MAP7: variants seen among roughly 807,000 people sequenced by gnomAD.
MAP7 encodes the protein microtubule associated protein 7.
A neutral mutation model predicts 94.8 loss-of-function variants in MAP7; 52 were observed. The observed-to-expected ratio is 0.55, with a 90% CI of 0.44 to 0.69. MAP7 has a LOEUF of 0.69. Ranked by LOEUF, MAP7 falls within the 30% of genes least tolerant of loss-of-function variation. The pLI is 0.00. For synonymous variants in MAP7, 350 were observed against 357.0 expected (o/e 0.98, Z 0.22); for missense variants, 940 against 964.6 (o/e 0.97, Z 0.34).
intron 2 of MAP7, among the ~76,000 whole-genome samples, chr6:136,418,964 A>C (rs993407819): frequency 2.1e-5 from 1 of 46,640 alleles, no homozygotes; most frequent in Non-Finnish European, 4.8e-5. Flanking sequence ...TATACAAGAA[A>C]ACAGACACAG....
intron 11 of MAP7, among the ~76,000 whole-genome samples, chr6:136,362,247 C>T (rs1198087385): frequency 6.6e-6 from 1 of 151,856 alleles, no homozygotes; most frequent in Non-Finnish European, 1.5e-5. Context: ...ATAGTGAGAC[C>T]CCATTTCTAT....
At chr6:136,433,802 G>A (rs764702261) in intron 1 of MAP7, among the ~76,000 whole-genome samples, 37 of 152,204 alleles carry the variant, frequency 2.4e-4, no homozygotes, top group Admixed American at 2.6e-4. Context: ...AAGTAGTGGA[G>A]CAAAAGGGTG....
chr6:136,544,878 T>C (rs917490375), intron 1 of MAP7, among the ~76,000 whole-genome samples: 7 of 152,154 alleles, frequency 4.6e-5, no homozygotes, highest in Admixed American at 1.3e-4. Context: ...GAGGATCACT[T>C]GAGCCCAGGA....
chr6:136,418,429 G>T (rs928209188), intron 2 of MAP7, among the ~76,000 whole-genome samples: 1 of 152,142 alleles, frequency 6.6e-6, no homozygotes, highest in African/African-American at 2.4e-5. Context: ...TGGCCAGGTT[G>T]GTCTCGAACT....
intron 1 of MAP7, among the ~76,000 whole-genome samples, chr6:136,528,800 T>C (rs905788853): frequency 6.6e-6 from 1 of 152,208 alleles, no homozygotes; most frequent in Non-Finnish European, 1.5e-5. Context: ...TGTGTCACTG[T>C]CACAGAAAAG....
intron 3 of MAP7, among the ~76,000 whole-genome samples, chr6:136,411,022 G>A (rs1787271970): frequency 6.6e-6 from 1 of 152,222 alleles, no homozygotes; most frequent in Non-Finnish European, 1.5e-5. Context: ...GTTGGCACCT[G>A]CTTCCTTGCC....
chr6:136,474,376 C>T (rs541216419), intron 1 of MAP7, among the ~76,000 whole-genome samples: 1 of 152,260 alleles, frequency 6.6e-6, no homozygotes, highest in South Asian at 2.1e-4. Context: ...GAGTGTAGAG[C>T]AGTGAGCCCA....
chr6:136,502,682 A>G (rs1820147783), intron 1 of MAP7, among the ~76,000 whole-genome samples: 1 of 152,256 alleles, frequency 6.6e-6, no homozygotes, highest in Non-Finnish European at 1.5e-5. Flanking sequence ...TCAATGGGTT[A>G]TAACAAAGAC....
chr6:136,401,858 C>T (rs1277661981), intron 3 of MAP7, among the ~76,000 whole-genome samples: 1 of 152,026 alleles, frequency 6.6e-6, no homozygotes, highest in Non-Finnish European at 1.5e-5. Context: ...TCTGCTGTAG[C>T]CTCTCCAATC....
chr6:136,482,211 G>C (rs1203346076), intron 1 of MAP7, among the ~76,000 whole-genome samples: 3 of 152,172 alleles, frequency 2.0e-5, no homozygotes, highest in Non-Finnish European at 4.4e-5. Flanking sequence ...AAGCAGTTTG[G>C]TGATTTATCA....
intron 1 of MAP7, among the ~76,000 whole-genome samples, chr6:136,467,743 C>T (rs1018089060): frequency 6.6e-6 from 1 of 152,112 alleles, no homozygotes; most frequent in African/African-American, 2.4e-5. Context: ...CTTGCCCTCA[C>T]AGCATTTAAA....
chr6:136,420,019 AC>A, intron 2 of MAP7: 1 of 822,620 alleles, frequency 1.2e-6, no homozygotes, highest in Non-Finnish European at 2.1e-6. Context: ...ATTAGCCACC[AC>A]CACTTGATGC....
intron 1 of MAP7, among the ~76,000 whole-genome samples, chr6:136,544,712 G>A (rs1000252354): frequency 3.9e-5 from 6 of 152,112 alleles, no homozygotes; most frequent in African/African-American, 1.4e-4. Context: ...ACTTCCAGTT[G>A]CCTTTTGAAC....
chr6:136,426,524 G>C (rs1458828266), intron 1 of MAP7, among the ~76,000 whole-genome samples: 1 of 152,186 alleles, frequency 6.6e-6, no homozygotes, highest in Non-Finnish European at 1.5e-5. Flanking sequence ...GATATAGATA[G>C]TGTTACAGGA....
At chr6:136,355,414 A>G (rs576007849) in intron 16 of MAP7, among the ~76,000 whole-genome samples, 1 of 152,254 alleles carries the variant, frequency 6.6e-6, no homozygotes, top group South Asian at 2.1e-4. Flanking sequence ...ATAATTGGAA[A>G]TGAATTATTA....
chr6:136,455,356 G>A (rs374853162), intron 1 of MAP7, among the ~76,000 whole-genome samples: 6 of 152,114 alleles, frequency 3.9e-5, no homozygotes, highest in Admixed American at 2.0e-4. Context: ...TGACAGAACT[G>A]GAGAGAGCAA....
At position 136,364,478 on chromosome 6, in the gene MAP7, A is replaced by G. The variant is rs1300739969; in HGVS notation, c.1273+1257T>C. 3 of 263,604 alleles carry G rather than the reference A, an allele frequency of 1.1e-5. No individual in the cohort carries two copies. The East Asian group carries it at 3.7e-4, about 32-fold the overall frequency. 16.3% of individuals were successfully genotyped at this position (263,604 alleles called of 1,614,324 possible). A position where few individuals can be genotyped will look rare whatever the true frequency, so the allele number is the denominator to read the frequency against. On this transcript the variant is annotated intron_variant, in intron 10 of 17. Transcript: ENST00000354570. ...TTTTGACTAAACCTCTTTTGTAACA[A>G]GTTCAATAAAAAGCTGAACTCTTAA...
intron 1 of MAP7, chr6:136,525,700 C>G: frequency 1.1e-6 from 1 of 923,326 alleles, no homozygotes; most frequent in Non-Finnish European, 1.6e-6. Flanking sequence ...ACACTACCAG[C>G]AAACCGTGCT....
chr6:136,478,979 C>CAAA lies in MAP7; in HGVS notation c.68-57183_68-57181dup, dbSNP rs59319740. On this transcript the variant is annotated intron_variant, in intron 1 of 17. Transcript: ENST00000354570. ...TGATACCAAAATCAAACAGACACAT[C>CAAA]AAAAAAAAAAAAAAAAGAAAGAAAG... 8.1e-4 allele frequency among the ~76,000 whole-genome samples: 37 copies of CAAA among 45,568 alleles called. No homozygotes were observed. The South Asian group carries it at 0.015, about 18-fold the overall frequency. The allele number at this position is 45,568 out of a possible 152,430, so 29.9% of individuals were successfully genotyped here.
Sources: allele counts gnomAD v4.1 joint callset (sites outside exome capture counted in the v4.1 genomes callset), GRCh38; gene constraint gnomAD v4.1.1; transcripts MANE v1.5; gene names NCBI Gene and HGNC (gene_info 2026-07-23, HGNC 2026-07-21).